KIF6: variants seen among roughly 807,000 people sequenced by gnomAD.
KIF6 encodes the protein kinesin family member 6, also known as kinesin-like protein KIF6.
Under a neutral mutation model 112.7 loss-of-function variants are expected in KIF6, and 106 were observed. That is an observed-to-expected ratio of 0.94 (90% CI 0.80 to 1.11). KIF6 has a LOEUF of 1.11. KIF6 is among the 50% of genes least tolerant of loss of function. The pLI, the probability that KIF6 is intolerant of heterozygous loss-of-function variation, is 0.00. For synonymous variants in KIF6, 339 were observed against 339.9 expected (o/e 1.00, Z 0.03); for missense variants, 929 against 964.0 (o/e 0.96, Z 0.48).
chr6:39,638,331 A>G (rs888732176), intron 4 of KIF6, among the ~76,000 whole-genome samples: 20 of 152,136 alleles, frequency 1.3e-4, no homozygotes, highest in African/African-American at 4.8e-4. Flanking sequence ...TCTCAGAACC[A>G]GGTTGACCTG....
At chr6:39,375,613 C>T (rs893383731) in intron 16 of KIF6, among the ~76,000 whole-genome samples, 36 of 152,166 alleles carry the variant, frequency 2.4e-4, no homozygotes, top group African/African-American at 8.4e-4. Flanking sequence ...GCACTCAGGC[C>T]TTTGGACTCA....
intron 6 of KIF6, among the ~76,000 whole-genome samples, chr6:39,602,803 C>T (rs1179261401): frequency 6.6e-6 from 1 of 152,144 alleles, no homozygotes; most frequent in Non-Finnish European, 1.5e-5. Context: ...GCCTTTTCTC[C>T]TGTCTAGAAT....
intron 3 of KIF6, among the ~76,000 whole-genome samples, chr6:39,652,190 T>A (rs1368181955): frequency 6.6e-6 from 1 of 152,116 alleles, no homozygotes; most frequent in East Asian, 1.9e-4. Flanking sequence ...AGATACAGCA[T>A]CATCTTACTA....
intron 15 of KIF6, 94 bp downstream of exon 15, chr6:39,419,854 T>G (rs1020982548): frequency 2.2e-5 from 24 of 1,081,236 alleles, no homozygotes; most frequent in Non-Finnish European, 3.3e-5. Context: ...AACTGGCCAT[T>G]TGGGGCTTCA....
chr6:39,569,390 AT>A (rs1257017208), intron 10 of KIF6, among the ~76,000 whole-genome samples: 1 of 152,188 alleles, frequency 6.6e-6, no homozygotes, highest in African/African-American at 2.4e-5. Flanking sequence ...AGTCATTGGG[AT>A]GGTATATATC....
intron 13 of KIF6, among the ~76,000 whole-genome samples, chr6:39,513,655 T>C (rs1212425607): frequency 6.6e-6 from 1 of 152,146 alleles, no homozygotes. Flanking sequence ...TGGGGTGATA[T>C]ATTTGTGTAG....
chr6:39,427,517 A>G (rs1770857384), intron 14 of KIF6, among the ~76,000 whole-genome samples: 2 of 152,248 alleles, frequency 1.3e-5, no homozygotes, highest in Admixed American at 1.3e-4. Flanking sequence ...GTTCTGGGTT[A>G]CATCCCCTAT....
At chr6:39,395,703 G>C (rs1023115761) in intron 15 of KIF6, among the ~76,000 whole-genome samples, 5 of 152,068 alleles carry the variant, frequency 3.3e-5, no homozygotes, top group African/African-American at 9.7e-5. Flanking sequence ...AGTACCTGGG[G>C]GCATTCAAAT....
At chr6:39,596,404 C>A (rs1582230483) in intron 6 of KIF6, 144 bp from the exon 7 acceptor site, 1 of 626,528 alleles carries the variant, frequency 1.6e-6, no homozygotes, top group African/African-American at 1.8e-5. Context: ...GTAACTGAGA[C>A]CTTTAAAGTA....
chr6:39,403,041 T>C (rs1175413193), intron 15 of KIF6, among the ~76,000 whole-genome samples: 4 of 150,768 alleles, frequency 2.7e-5, no homozygotes, highest in African/African-American at 9.8e-5. Flanking sequence ...CTAGAGAAAT[T>C]AAAAAAAAAA....
At position 39,351,942 on chromosome 6, in the gene KIF6, G is replaced by T. The variant is rs114282026; in HGVS notation, c.2180+5335C>A. ...CAGCGAGAGGGCTCCGTGTGTGGAA[G>T]GTGCAGGTATACAGGGGTTGGAATT... On this transcript the variant is annotated intron_variant, in intron 19 of 22. Coordinates refer to ENST00000287152, the MANE Select transcript of KIF6 (RefSeq NM_145027.6). 7.1e-4 allele frequency among the ~76,000 whole-genome samples: 108 copies of T among 152,320 alleles called. 1 individual carries two copies. The highest frequency in any genetic ancestry group is 9.8e-4 in the Admixed American group (15 of 15,304).
At chr6:39,506,342 A>C (rs530180172) in intron 13 of KIF6, among the ~76,000 whole-genome samples, 30 of 152,122 alleles carry the variant, frequency 2.0e-4, no homozygotes, top group Non-Finnish European at 3.8e-4. Flanking sequence ...GGAACAACAC[A>C]CACCGGGGCC....
At chr6:39,427,408 C>T (rs1372833810) in intron 14 of KIF6, among the ~76,000 whole-genome samples, 1 of 152,168 alleles carries the variant, frequency 6.6e-6, no homozygotes, top group African/African-American at 2.4e-5. Context: ...GAACATTTTT[C>T]TTATTCCCCT....
At chr6:39,637,793 G>A (rs1241220875) in intron 4 of KIF6, among the ~76,000 whole-genome samples, 1 of 151,954 alleles carries the variant, frequency 6.6e-6, no homozygotes, top group Non-Finnish European at 1.5e-5. Context: ...GCCCCATCAT[G>A]AAAATATGTT....
chr6:39,387,610 A>G (rs17429762), intron 15 of KIF6, among the ~76,000 whole-genome samples: 7,273 of 152,208 alleles, frequency 0.048, 226 homozygotes, highest in Non-Finnish European at 0.05. Flanking sequence ...ACTTGACCCA[A>G]TGATGAGTAT....
chr6:39,636,038 A>G (rs1353964163), intron 4 of KIF6, among the ~76,000 whole-genome samples: 3 of 151,968 alleles, frequency 2.0e-5, no homozygotes, highest in African/African-American at 7.2e-5. Flanking sequence ...GGGAGAGAGG[A>G]CCAAGTCACA....
intron 6 of KIF6, among the ~76,000 whole-genome samples, chr6:39,605,728 C>T (rs947093551): frequency 6.6e-6 from 1 of 152,124 alleles, no homozygotes; most frequent in Non-Finnish European, 1.5e-5. Flanking sequence ...AGAAAGAACT[C>T]TAGAAGCACA....
rs1762722231 is a variant in KIF6, at chr6:39,331,143, C to T, written c.*5389G>A. On this transcript the variant is annotated 3_prime_UTR_variant, in exon 23 of 23. Coordinates refer to ENST00000287152, the MANE Select transcript of KIF6 (RefSeq NM_145027.6). ...ACTCCCACCCACCTTGATAGTGAGT[C>T]CAAGCCCATCCTACCCCACCCCCAA... 6.5e-6 allele frequency: 1 copy of T among 152,738 alleles called. No individual in the cohort carries two copies. Among genetic ancestry groups the T allele is most frequent in the Non-Finnish European group, 1.5e-5 (1 of 68,450 alleles). The allele number at this position is 152,738 out of a possible 1,614,324, so 9.5% of individuals were successfully genotyped here.
At chr6:39,363,412 C>T (rs752785583) in intron 16 of KIF6, among the ~76,000 whole-genome samples, 21 of 152,192 alleles carry the variant, frequency 1.4e-4, no homozygotes, top group Non-Finnish European at 2.2e-4. Flanking sequence ...GGGCTGAGCA[C>T]GTCAGCAGGG....
Sources: allele counts gnomAD v4.1 joint callset (sites outside exome capture counted in the v4.1 genomes callset), GRCh38; gene constraint gnomAD v4.1.1; transcripts MANE v1.5; gene names NCBI Gene and HGNC (gene_info 2026-07-23, HGNC 2026-07-21).